ANO4: variants seen among roughly 807,000 people sequenced by gnomAD.
ANO4 encodes the protein anoctamin-4.
ANO4 carries 69 observed loss-of-function variants against 141.9 expected under a neutral mutation model. The ratio of observed to expected loss-of-function variants is 0.49; its 90% CI spans 0.40 to 0.59. ANO4 has a LOEUF of 0.59. Ranked by LOEUF, ANO4 falls within the 20% of genes least tolerant of loss-of-function variation. The pLI is 0.00. For synonymous variants in ANO4, 350 were observed against 394.3 expected, an observed-to-expected ratio of 0.89 and a Z score of 1.33; for missense variants, 894 against 1,162.2, an observed-to-expected ratio of 0.77 and a Z score of 3.36.
At chr12:100,933,873 G>T (rs1027863778) in intron 3 of ANO4, among the ~76,000 whole-genome samples, 1 of 152,136 alleles carries the variant, frequency 6.6e-6, no homozygotes, top group African/African-American at 2.4e-5. Context: ...ATTTTTTCAT[G>T]TGTCTGTTGG....
intron 3 of ANO4, among the ~76,000 whole-genome samples, chr12:100,754,760 A>G (rs934673328): frequency 3.9e-5 from 6 of 152,210 alleles, no homozygotes; most frequent in African/African-American, 1.2e-4. Context: ...GTACTGATAC[A>G]TGCTACAACA....
At chr12:100,760,781 A>C (rs561436660) in intron 3 of ANO4, among the ~76,000 whole-genome samples, 1 of 152,202 alleles carries the variant, frequency 6.6e-6, no homozygotes, top group Non-Finnish European at 1.5e-5. Context: ...GTCATGGGCC[A>C]GCCCAAGAGG....
chr12:101,092,137 A>C (rs2049801931), intron 17 of ANO4, among the ~76,000 whole-genome samples: 1 of 152,140 alleles, frequency 6.6e-6, no homozygotes, highest in Non-Finnish European at 1.5e-5. Flanking sequence ...CCAGGAATAG[A>C]CTAAAAAGTT....
At chr12:100,981,468 A>AAGGG (rs1296510613) in intron 7 of ANO4, among the ~76,000 whole-genome samples, 1 of 151,938 alleles carries the variant, frequency 6.6e-6, no homozygotes, top group Non-Finnish European at 1.5e-5. Flanking sequence ...GGAAGAAAGG[A>AAGGG]AGGGAGGGAG....
intron 3 of ANO4, among the ~76,000 whole-genome samples, chr12:100,752,345 A>T (rs1175649463): frequency 1.3e-5 from 2 of 152,080 alleles, no homozygotes; most frequent in Non-Finnish European, 2.9e-5. Flanking sequence ...CTACTTCTCC[A>T]TCCCTTCCTT....
At chr12:100,817,445 G>A (rs998533305) in intron 1 of ANO4, among the ~76,000 whole-genome samples, 4 of 151,838 alleles carry the variant, frequency 2.6e-5, no homozygotes, top group African/African-American at 9.7e-5. Context: ...ATTCAAAGCA[G>A]TATTCTAATG....
intron 1 of ANO4, among the ~76,000 whole-genome samples, chr12:100,801,066 A>G (rs2034652483): frequency 6.6e-6 from 1 of 151,338 alleles, no homozygotes; most frequent in Non-Finnish European, 1.5e-5. Context: ...TGTATCCCTC[A>G]GGACCTTACA....
intron 1 of ANO4, among the ~76,000 whole-genome samples, chr12:100,816,682 A>G (rs1565901423): frequency 1.3e-5 from 2 of 152,016 alleles, no homozygotes; most frequent in Non-Finnish European, 2.9e-5. Context: ...GTGTTGATAA[A>G]TAAGGCTATT....
upstream of ANO4, among the ~76,000 whole-genome samples, chr12:100,717,293 G>GTCTACGCCCTCTCTCCTGCCGC (rs1461132395): frequency 1.1e-3 from 170 of 151,896 alleles, 2 homozygotes; most frequent in Admixed American, 1.2e-3. Context: ...GCGGCTGCCG[G>GTCTACGCCCTCTCTCCTGCCGC]TCTACGCCCT....
chr12:100,717,377 G>A (rs1206106694), upstream of ANO4: 4 of 325,216 alleles, frequency 1.2e-5, no homozygotes, highest in South Asian at 6.1e-4. Context: ...CGAGCGCGGC[G>A]CGCTGACTGG....
At chr12:101,043,833 A>G (rs1478996995) in intron 13 of ANO4, among the ~76,000 whole-genome samples, 198 bp downstream of exon 13, 2 of 152,210 alleles carry the variant, frequency 1.3e-5, no homozygotes, top group Non-Finnish European at 2.9e-5. Flanking sequence ...ATGGCTCTAG[A>G]CATCATCCAT....
At chr12:100,807,424 T>C (rs1018981822) in intron 1 of ANO4, among the ~76,000 whole-genome samples, 2 of 152,182 alleles carry the variant, frequency 1.3e-5, no homozygotes, top group African/African-American at 4.8e-5. Context: ...GCCTCACCCC[T>C]ATTACCCTTT....
In ANO4 at chr12:101,036,953, CT is replaced by C. The variant is rs886487660; in HGVS notation, c.842-135del. 6.8e-4 allele frequency: 448 copies of C among 663,248 alleles called. 1 individual carries two copies. The highest frequency in any genetic ancestry group is 9.4e-4 in the South Asian group (31 of 32,950). The allele number at this position is 663,248 out of a possible 1,614,324, so 41.1% of individuals were successfully genotyped here. A position where few individuals can be genotyped will look rare whatever the true frequency, so the allele number is the denominator to read the frequency against. On this transcript the variant is annotated intron_variant, in intron 9 of 27. Coordinates refer to ENST00000392977, the MANE Select transcript of ANO4 (RefSeq NM_001286615.2). ...TGATCCCAATTTCACGGCAGCAGAG[CT>C]TTTTTTCTAACTCTTGGTGCCCCTA...
intron 1 of ANO4, among the ~76,000 whole-genome samples, chr12:100,878,044 C>A (rs1299983631): frequency 6.6e-6 from 1 of 151,980 alleles, no homozygotes; most frequent in Non-Finnish European, 1.5e-5. Flanking sequence ...TTCCTACTAG[C>A]ATTATCTAAA....
intron 8 of ANO4, among the ~76,000 whole-genome samples, chr12:101,006,470 A>G (rs2045875952): frequency 6.6e-6 from 1 of 152,240 alleles, no homozygotes; most frequent in African/African-American, 2.4e-5. Context: ...TTCCTAAAGT[A>G]GGTACTTCCT....
chr12:100,863,531 T>C (rs1388765645), intron 1 of ANO4, among the ~76,000 whole-genome samples: 7 of 152,320 alleles, frequency 4.6e-5, no homozygotes, highest in South Asian at 2.1e-4. Flanking sequence ...AGTTCACTTA[T>C]ATTTGGAAGC....
At chr12:101,058,415 T>A (rs1593151805) in intron 14 of ANO4, among the ~76,000 whole-genome samples, 1 of 152,188 alleles carries the variant, frequency 6.6e-6, no homozygotes. Context: ...AGTGGTAGCT[T>A]GATGTGGATA....
intron 5 of ANO4, among the ~76,000 whole-genome samples, chr12:100,964,431 C>T (rs573061944): frequency 2.6e-4 from 39 of 152,118 alleles, no homozygotes; most frequent in South Asian, 8.3e-4. Flanking sequence ...TAGCTGGTCC[C>T]GTCTCTATCA....
chr12:100,808,818 T>C (rs1404378719), intron 1 of ANO4, among the ~76,000 whole-genome samples: 1 of 152,246 alleles, frequency 6.6e-6, no homozygotes, highest in Non-Finnish European at 1.5e-5. Flanking sequence ...TTCGAATTGT[T>C]GATCTAACTA....
Sources: gnomAD v4.1 joint callset for allele counts (sites outside exome capture counted in the v4.1 genomes callset) on GRCh38, gnomAD v4.1.1 for gene constraint, MANE v1.5 for transcripts, NCBI Gene and HGNC (gene_info 2026-07-23, HGNC 2026-07-21) for gene names.